The following KLRK1 variants were observed in gnomAD, a reference collection of about 807,000 sequenced individuals.
KLRK1 encodes the protein killer cell lectin like receptor K1.
In KLRK1, 40 loss-of-function variants were observed where a neutral mutation model predicts 31.3. The observed-to-expected ratio is 1.28, with a 90% CI of 0.99 to 1.67. The LOEUF (loss-of-function observed/expected upper bound fraction) is 1.67. KLRK1 is among the 40% of genes most tolerant of loss of function. KLRK1 has a pLI of 0.00. For missense variants in KLRK1, 251 were observed against 260.0 expected, an observed-to-expected ratio of 0.97 and a Z score of 0.24; for synonymous variants, 77 against 77.3, an observed-to-expected ratio of 1.00 and a Z score of 0.02.
intron 5 of KLRK1, 40 bp downstream of exon 5, chr12:10,379,407 A>G (rs1351598417): frequency 7.2e-6 from 9 of 1,253,330 alleles, no homozygotes; most frequent in African/African-American, 3.0e-5. Context: ...AGGTAGATAC[A>G]TATAATATAT....
At chr12:10,384,859 C>G (rs536351299) in intron 3 of KLRK1, among the ~76,000 whole-genome samples, 1 of 152,060 alleles carries the variant, frequency 6.6e-6, no homozygotes, top group East Asian at 1.9e-4. Context: ...TAACAAGAGA[C>G]CAATATCCAG....
At chr12:10,385,373 C>CACAG (rs1555120376) in intron 3 of KLRK1, among the ~76,000 whole-genome samples, 2 of 145,860 alleles carry the variant, frequency 1.4e-5, no homozygotes, top group South Asian at 2.1e-4. Context: ...CACAGACACA[C>CACAG]ACACACACAC....
intron 5 of KLRK1, 154 bp from the exon 6 acceptor site, chr12:10,378,859 TAGAG>T: frequency 1.1e-6 from 1 of 915,100 alleles, no homozygotes; most frequent in Non-Finnish European, 1.5e-6. Context: ...TACATATTCA[TAGAG>T]AGAAGCCAGG....
At chr12:10,388,122 T>C (rs1367457713) in intron 2 of KLRK1, among the ~76,000 whole-genome samples, 2 of 152,170 alleles carry the variant, frequency 1.3e-5, no homozygotes, top group Non-Finnish European at 2.9e-5. Context: ...TAAATGATAA[T>C]ATGAATTATA....
At chr12:10,378,874 C>T in intron 5 of KLRK1, 169 bp from the exon 6 acceptor site, 2 of 789,360 alleles carry the variant, frequency 2.5e-6, no homozygotes, top group Non-Finnish European at 3.7e-6. Flanking sequence ...AGAAGCCAGG[C>T]TGGGTGTGGT....
At chr12:10,388,198 G>A (rs1214299320) in intron 2 of KLRK1, among the ~76,000 whole-genome samples, 1 of 152,140 alleles carries the variant, frequency 6.6e-6, no homozygotes, top group East Asian at 1.9e-4. Context: ...TACATATGGA[G>A]TAAAGAGAGT....
At chr12:10,377,980 T>C in intron 7 of KLRK1, 152 bp downstream of exon 7, 1 of 719,428 alleles carries the variant, frequency 1.4e-6, no homozygotes, top group Non-Finnish European at 2.3e-6. Context: ...CTAATACAAC[T>C]TTCTCCCAAA....
At chr12:10,380,057 T>G (rs1383079820) in intron 3 of KLRK1, among the ~76,000 whole-genome samples, 28 of 130,414 alleles carry the variant, frequency 2.1e-4, no homozygotes, top group Non-Finnish European at 4.0e-4. Flanking sequence ...TTTGTTGTTA[T>G]TGTTTTTTTT....
chr12:10,379,510 G>C (rs532525963), intron 4 of KLRK1, 28 bp from the exon 5 acceptor site: 1 of 1,417,108 alleles, frequency 7.1e-7, no homozygotes, highest in African/African-American at 1.4e-5. Flanking sequence ...AGTATTAAAA[G>C]TTTGTATTGT....
intron 7 of KLRK1, among the ~76,000 whole-genome samples, chr12:10,374,901 C>A (rs1436319553): frequency 6.6e-6 from 1 of 152,102 alleles, no homozygotes; most frequent in African/African-American, 2.4e-5. Flanking sequence ...CAGTAATCAA[C>A]CAATATTTAC....
At position 10,379,892 on chromosome 12, in the gene KLRK1, G is replaced by A. The variant is rs530311026; in HGVS notation, c.149-100C>T. The A allele has an allele frequency of 2.8e-6, 3 of 1,072,646 alleles. No homozygotes were observed. In the South Asian group the frequency reaches 6.2e-5, roughly 22 times the overall value. The allele number at this position is 1,072,646 out of a possible 1,614,324, so 66.4% of individuals were successfully genotyped here. On this transcript the variant is annotated intron_variant, in intron 3 of 7. Coordinates refer to ENST00000240618, the MANE Select transcript of KLRK1 (RefSeq NM_007360.4). ...TTAGAGTTTTTTAAATGAGAAGGTG[G>A]TATTGATCCTTTTTCTGCCTTAATA...
intron 2 of KLRK1, 148 bp downstream of exon 2, chr12:10,388,623 A>C (rs1863210714): frequency 3.3e-6 from 3 of 917,164 alleles, no homozygotes; most frequent in Admixed American, 5.8e-5. Context: ...TTAAAATACA[A>C]TATGAACATA....
At chr12:10,375,738 A>G (rs1313975579) in intron 7 of KLRK1, among the ~76,000 whole-genome samples, 4 of 152,212 alleles carry the variant, frequency 2.6e-5, no homozygotes, top group African/African-American at 9.6e-5. Context: ...ATTACTGAAC[A>G]GTGTAGTGAC....
At chr12:10,387,793 A>C (rs892525590) in intron 2 of KLRK1, among the ~76,000 whole-genome samples, 2 of 151,954 alleles carry the variant, frequency 1.3e-5, no homozygotes, top group African/African-American at 4.8e-5. Flanking sequence ...TGATCTACCC[A>C]CCTCAGCCTC....
intron 7 of KLRK1, among the ~76,000 whole-genome samples, chr12:10,376,420 GAC>G (rs1416366383): frequency 1.3e-5 from 2 of 152,012 alleles, no homozygotes; most frequent in Admixed American, 6.6e-5. Context: ...AAAACTAAAT[GAC>G]ACATGTAAAT....
At position 10,386,980 on chromosome 12, in the gene KLRK1, T is replaced by A. The variant is rs1463065150; in HGVS notation, c.71A>T (p.Asp24Val). 2.5e-6 allele frequency: 4 copies of A among 1,611,420 alleles called. No individual in the cohort carries two copies. Among genetic ancestry groups the A allele is most frequent in the Middle Eastern group, 1.7e-4 (1 of 6,044 alleles). The change falls in exon 3 of 8, where the codon GAT becomes GTT. Residue 24 changes from aspartate (D) to valine (V), a missense_variant. Physicochemically the swap from Asp to Val is radical, Grantham distance 152 (BLOSUM62 -3). Transcript: ENST00000240618. ...EMSEFHNYNL[D>V]LKKSDFSTRW... is the part of the protein sequence containing the mutation. ...TGTTGAAAAATCACTCTTCTTCAGA[T>A]CCAAGTTATAATTATGAAATTCACT...
At chr12:10,373,376 A>AAAAT in intron 7 of KLRK1, 145 bp from the exon 8 acceptor site, 2 of 530,706 alleles carry the variant, frequency 3.8e-6, no homozygotes, top group Non-Finnish European at 6.3e-6. Context: ...ATTCATAAAC[A>AAAAT]AAATATAGCC....
At position 10,379,490 on chromosome 12, in the gene KLRK1, A is replaced by G; in HGVS notation, c.242-8T>C. On this transcript the variant is annotated splice_region_variant and splice_polypyrimidine_tract_variant and intron_variant, in intron 4 of 7. Coordinates refer to ENST00000240618, the MANE Select transcript of KLRK1 (RefSeq NM_007360.4). Reference sequence around the variant, plus strand: ...CTTCTTGGTTGAATAATGCTATTAAAATAACCATAAGTATTAAAAGTTTGT... The same window carrying G: ...CTTCTTGGTTGAATAATGCTATTAAGATAACCATAAGTATTAAAAGTTTGT... The G allele has an allele frequency of 6.8e-7, 1 of 1,468,628 alleles. No individual in the cohort carries two copies. The highest frequency in any genetic ancestry group is 9.3e-7 in the Non-Finnish European group (1 of 1,074,084). 91.0% of individuals were successfully genotyped at this position (1,468,628 alleles called of 1,614,324 possible).
chr12:10,384,021 T>C (rs1863122979), intron 3 of KLRK1, among the ~76,000 whole-genome samples: 1 of 151,914 alleles, frequency 6.6e-6, no homozygotes, highest in African/African-American at 2.4e-5. Flanking sequence ...TACCTACAAA[T>C]AATAAAATAC....
Sources: gnomAD v4.1 joint callset for allele counts (sites outside exome capture counted in the v4.1 genomes callset) on GRCh38, gnomAD v4.1.1 for gene constraint, MANE v1.5 for transcripts, NCBI Gene and HGNC (gene_info 2026-07-23, HGNC 2026-07-21) for gene names.